Variants in PITPNM2 observed in about 807,000 individuals in gnomAD.
PITPNM2 encodes membrane-associated phosphatidylinositol transfer protein 2.
A neutral mutation model predicts 132.2 loss-of-function variants in PITPNM2; 35 were observed. The observed-to-expected ratio is 0.26, with a 90% confidence interval of 0.20 to 0.35. The LOEUF is 0.35. PITPNM2 is among the 10% of genes least tolerant of loss of function. The pLI, the probability that PITPNM2 is intolerant of heterozygous loss-of-function variation, is 1.00. For missense variants in PITPNM2, 1,332 were observed against 1,912.0 expected, an observed-to-expected ratio of 0.70 and a Z score of 5.66; for synonymous variants, 738 against 799.2, an observed-to-expected ratio of 0.92 and a Z score of 1.29.
At chr12:123,133,826 G>A (rs935615283) in intron 1 of PITPNM2, among the ~76,000 whole-genome samples, 108 of 126,894 alleles carry the variant, frequency 8.5e-4, no homozygotes, top group African/African-American at 3.2e-3. Context: ...ACACACACAC[G>A]CTCCTCCCTC....
chr12:122,996,942 G>A, intron 11 of PITPNM2, 32 bp from the exon 12 acceptor site: 1 of 1,529,532 alleles, frequency 6.5e-7, no homozygotes, highest in Non-Finnish European at 8.8e-7. Flanking sequence ...GAGAGGGCAG[G>A]CGGCTCCAGC....
intron 2 of PITPNM2, among the ~76,000 whole-genome samples, chr12:123,063,842 A>G (rs900970697): frequency 7.2e-5 from 11 of 152,196 alleles, no homozygotes; most frequent in African/African-American, 2.7e-4. Context: ...TCTGAGCCTC[A>G]GTTCTTCATT....
At chr12:123,039,143 C>A (rs1190365846) in intron 2 of PITPNM2, among the ~76,000 whole-genome samples, 1 of 152,170 alleles carries the variant, frequency 6.6e-6, no homozygotes, top group African/African-American at 2.4e-5. Context: ...CACGGCCGGG[C>A]TGCATCCTGG....
At chr12:123,034,152 C>T (rs1175587284) in intron 3 of PITPNM2, 1 of 210,652 alleles carries the variant, frequency 4.7e-6, no homozygotes, top group Non-Finnish European at 9.5e-6. Context: ...AAGTGTGTTC[C>T]TCTACGCCCC....
intron 1 of PITPNM2, among the ~76,000 whole-genome samples, chr12:123,128,264 C>CAAAAAAAAAAAAAAAA: frequency 4.4e-5 from 1 of 22,752 alleles, no homozygotes; most frequent in Non-Finnish European, 7.8e-5. Flanking sequence ...CCCATCTCTA[C>CAAAAAAAAAAAAAAAA]AAAAAAAAAA....
chr12:122,993,203 A>G lies in PITPNM2; in HGVS notation c.2234-534T>C, dbSNP rs895568689. 1.3e-5 allele frequency among the ~76,000 whole-genome samples: 2 copies of G among 152,192 alleles called. No individual in the cohort carries two copies. Among genetic ancestry groups the G allele is most frequent in the Non-Finnish European group, 2.9e-5 (2 of 68,036 alleles). On this transcript the variant is annotated intron_variant, in intron 15 of 25. Transcript: ENST00000320201. This position sits in a 1 kb window ranked among gnomAD's most constrained non-coding sequence, Gnocchi z 5.2. ...TGCAGTACAGAAGAGCATATGATGA[A>G]GGGCACATGGTGGAAACCCCTTCCA...
chr12:123,037,459 T>C (rs1467667203), intron 2 of PITPNM2, among the ~76,000 whole-genome samples: 1 of 152,212 alleles, frequency 6.6e-6, no homozygotes. Flanking sequence ...CTGTGTGACG[T>C]GCAGCACCCA....
At chr12:123,132,584 C>T in intron 1 of PITPNM2, among the ~76,000 whole-genome samples, 1 of 151,610 alleles carries the variant, frequency 6.6e-6, no homozygotes, top group East Asian at 1.9e-4. Context: ...CAAGGACATC[C>T]ACAATGTTGT....
chr12:123,009,981 G>A lies in PITPNM2; in HGVS notation c.512C>T (p.Pro171Leu). 2 of 1,614,196 alleles carry A rather than the reference G, an allele frequency of 1.2e-6. No individual in the cohort carries two copies. Among genetic ancestry groups the A allele is most frequent in the Non-Finnish European group, 1.7e-6 (2 of 1,180,036 alleles). Residue 171 changes from proline (P) to leucine (L), a missense_variant, in exon 6 of 26, where the codon CCC becomes CTC. Around this residue, in one of 6 missense-constraint regions of PITPNM2, gnomAD observed 122 missense variants for 209.6 expected, o/e 0.58. Transcript: ENST00000320201. The surrounding 1 kb of genome is among the most constrained non-coding windows in gnomAD (Gnocchi z 4.8). ...LFQSTKTQRG[P>L]LSENWIEEYK... The stretch of plus-strand genomic sequence containing the variant: ...CTCCTCGATCCAGTTCTCGGACAGG[G>A]GCCCCCGCTGGGTCTTGGTTGACTG...
At chr12:122,996,398 C>T in intron 13 of PITPNM2, 60 bp downstream of exon 13, 2 of 1,598,064 alleles carry the variant, frequency 1.3e-6, no homozygotes, top group Admixed American at 1.7e-5. Context: ...AGGGCAGCCA[C>T]CCTGGGGGCG....
intron 2 of PITPNM2, among the ~76,000 whole-genome samples, chr12:123,071,423 C>T (rs544752161): frequency 5.3e-5 from 8 of 152,310 alleles, no homozygotes; most frequent in South Asian, 4.1e-4. Flanking sequence ...GAGAGAGACC[C>T]GCAGGCTGGA....
intron 1 of PITPNM2, among the ~76,000 whole-genome samples, chr12:123,142,395 G>A (rs555483623): frequency 1.1e-4 from 16 of 152,340 alleles, no homozygotes; most frequent in African/African-American, 2.9e-4. Flanking sequence ...AAAATGTCCC[G>A]CTTAGGGGAA....
Position 123,058,061 on chromosome 12 carries a change from C to T in PITPNM2, c.-95-23376G>A, listed in dbSNP as rs182778464. Among the ~76,000 whole-genome samples, 1 of 152,346 alleles carries T rather than the reference C, an allele frequency of 6.6e-6. No homozygotes were observed. The highest frequency in any genetic ancestry group is 1.9e-4 in the East Asian group (1 of 5,192). ...GGCAGCAAAAAACAAACTATGCCTT[C>T]ATCCCCTGACCTTTTACTCTTCAAA... On this transcript the variant is annotated intron_variant, in intron 2 of 25. Transcript: ENST00000320201. This position sits in a 1 kb window ranked among gnomAD's most constrained non-coding sequence, Gnocchi z 4.0.
At chr12:123,103,756 TCA>T (rs1454881407) in intron 2 of PITPNM2, among the ~76,000 whole-genome samples, 1 of 152,184 alleles carries the variant, frequency 6.6e-6, no homozygotes. Flanking sequence ...TTCTTAGGCC[TCA>T]GTTTTCCAGT....
At chr12:123,079,350 CTTTTTTTTTTTTTT>C (rs139205213) in intron 2 of PITPNM2, among the ~76,000 whole-genome samples, 48 of 53,830 alleles carry the variant, frequency 8.9e-4, no homozygotes, top group African/African-American at 2.4e-3. Flanking sequence ...TTTTTCTTTT[CTTTTTTTTTTTTTT>C]TTTTTTTTTT....
intron 16 of PITPNM2, 137 bp from the exon 17 acceptor site, chr12:122,990,846 C>G (rs2038157885): frequency 2.1e-6 from 2 of 953,598 alleles, no homozygotes; most frequent in Non-Finnish European, 3.0e-6. Flanking sequence ...GCCACCTGCT[C>G]AGGGCCGTGA....
chr12:123,000,901 G>C lies in PITPNM2; in HGVS notation c.1154-53C>G. On this transcript the variant is annotated intron_variant, in intron 9 of 25. Transcript: ENST00000320201. This position sits in a 1 kb window ranked among gnomAD's most constrained non-coding sequence, Gnocchi z 5.4. ...AGCTGAGGGGCAGCCCAACCTGGCC[G>C]ACCGGACAGAGGCTGCAACTGTGAC... 6.2e-7 allele frequency: 1 copy of C among 1,601,690 alleles called. No individual in the cohort carries two copies. Among genetic ancestry groups the C allele is most frequent in the Non-Finnish European group, 8.6e-7 (1 of 1,169,328 alleles).
Position 123,022,347 on chromosome 12 carries a change from C to T in PITPNM2, c.79-8305G>A, listed in dbSNP as rs2039702483. ...CATAGCTATAGGCACCAAGACCGCT[C>T]GGAAGACCCACAGAGCATCAGACAC... On this transcript the variant is annotated intron_variant, in intron 3 of 25. Transcript: ENST00000320201. The surrounding 1 kb of genome is among the most constrained non-coding windows in gnomAD (Gnocchi z 4.9). Among the ~76,000 whole-genome samples, 2 of 152,106 alleles carry T rather than the reference C, an allele frequency of 1.3e-5. No individual in the cohort carries two copies. Among genetic ancestry groups the T allele is most frequent in the Admixed American group, 6.6e-5 (1 of 15,260 alleles).
intron 2 of PITPNM2, among the ~76,000 whole-genome samples, chr12:123,061,232 T>A (rs913238241): frequency 6.6e-6 from 1 of 152,138 alleles, no homozygotes; most frequent in African/African-American, 2.4e-5. Flanking sequence ...GACCCCTTAA[T>A]GGGTATACAG....
Sources: gnomAD v4.1 joint callset for allele counts (sites outside exome capture counted in the v4.1 genomes callset) on GRCh38, gnomAD v4.1.1 for gene constraint, gnomAD v4.1.1 regional missense constraint, Gnocchi (gnomAD v3.1) non-coding constraint, MANE v1.5 for transcripts, NCBI Gene and HGNC (gene_info 2026-07-23, HGNC 2026-07-21) for gene names.